Variants in HPSE2 observed in about 807,000 individuals in gnomAD.
The protein encoded by HPSE2 is heparanase 2 (inactive).
A neutral mutation model predicts 60.5 loss-of-function variants in HPSE2; 38 were observed. That is an observed-to-expected ratio of 0.63 (90% confidence interval 0.48 to 0.82). HPSE2 has a LOEUF of 0.82. Ranked by LOEUF, HPSE2 falls within the 40% of genes least tolerant of loss-of-function variation. The probability of loss-of-function intolerance (pLI) is 0.00; values close to 1 mark genes in which losing one functional copy is unlikely to be tolerated. For synonymous variants in HPSE2, 295 were observed against 293.2 expected (o/e 1.01, Z -0.06); for missense variants, 713 against 740.4 (o/e 0.96, Z 0.43).
chr10:99,280,869 C>T, the HPSE2 span, among the ~76,000 whole-genome samples: 1 of 152,136 alleles, frequency 6.6e-6, no homozygotes, highest in Non-Finnish European at 1.5e-5. Context: ...TTCACTCACT[C>T]AACAAATATT....
chr10:98,495,819 G>T (rs573079311), intron 9 of HPSE2, among the ~76,000 whole-genome samples: 31 of 152,092 alleles, frequency 2.0e-4, no homozygotes, highest in African/African-American at 7.5e-4. Context: ...GTCTTCAAGA[G>T]AATTGGTTTA....
intron 3 of HPSE2, among the ~76,000 whole-genome samples, chr10:99,135,893 G>A (rs1845629009): frequency 6.6e-6 from 1 of 151,910 alleles, no homozygotes; most frequent in South Asian, 2.1e-4. Flanking sequence ...CAAGACCAGA[G>A]CAGAACTGAG....
At chr10:98,537,503 A>G (rs1943319909) in intron 9 of HPSE2, among the ~76,000 whole-genome samples, 1 of 152,254 alleles carries the variant, frequency 6.6e-6, no homozygotes, top group Non-Finnish European at 1.5e-5. Flanking sequence ...ATTATTAATC[A>G]TTAGCTTTTA....
rs116450653 is a variant in HPSE2, at chr10:98,879,143, C to T, written c.611-135087G>A. Among the ~76,000 whole-genome samples, 118 of 152,090 alleles carry T rather than the reference C, an allele frequency of 7.8e-4. 1 individual carries two copies. Among genetic ancestry groups the T allele is most frequent in the Non-Finnish European group, 6.3e-4 (43 of 67,954 alleles). On this transcript the variant is annotated intron_variant, in intron 3 of 11. Coordinates refer to ENST00000370552, the MANE Select transcript of HPSE2 (RefSeq NM_021828.5). The stretch of plus-strand genomic sequence containing the variant: ...GAGCTGTCAATGTGGTGAATACACA[C>T]GTCTAGAGCTCAGGAGGAGAGTGCC...
intron 3 of HPSE2, among the ~76,000 whole-genome samples, chr10:98,937,850 G>T (rs61883692): frequency 7.0e-6 from 1 of 143,070 alleles, no homozygotes; most frequent in Non-Finnish European, 1.5e-5. Flanking sequence ...AGTAGGGGCA[G>T]ACTGACACCT....
intron 7 of HPSE2, among the ~76,000 whole-genome samples, chr10:98,625,869 G>A (rs958115255): frequency 6.6e-6 from 1 of 152,136 alleles, no homozygotes; most frequent in African/African-American, 2.4e-5. Flanking sequence ...TTGGGAGGCC[G>A]AGGTGGGCGG....
intron 3 of HPSE2, among the ~76,000 whole-genome samples, chr10:99,005,291 T>C (rs887948184): frequency 2.0e-5 from 3 of 152,088 alleles, no homozygotes; most frequent in African/African-American, 7.2e-5. Context: ...AACTCAGACA[T>C]TTGCTCTTTT....
At chr10:98,489,757 G>A (rs1178706018) in intron 10 of HPSE2, among the ~76,000 whole-genome samples, 4 of 152,214 alleles carry the variant, frequency 2.6e-5, no homozygotes, top group Admixed American at 2.6e-4. Flanking sequence ...ACATCAACTG[G>A]CACAGAGAAA....
At chr10:98,849,946 G>A (rs891279918) in intron 3 of HPSE2, among the ~76,000 whole-genome samples, 3 of 152,218 alleles carry the variant, frequency 2.0e-5, no homozygotes, top group Admixed American at 6.5e-5. Flanking sequence ...GTTTCTCCAC[G>A]TTTGTCAGGC....
intron 11 of HPSE2, among the ~76,000 whole-genome samples, chr10:98,470,383 T>G (rs1940728640): frequency 6.6e-6 from 1 of 152,170 alleles, no homozygotes; most frequent in Non-Finnish European, 1.5e-5. Context: ...AAGGCTAGTC[T>G]GCACGGGTAT....
intron 9 of HPSE2, among the ~76,000 whole-genome samples, chr10:98,605,857 G>A (rs942410637): frequency 2.6e-5 from 4 of 152,116 alleles, no homozygotes; most frequent in Non-Finnish European, 5.9e-5. Flanking sequence ...GTGACTGAGC[G>A]TCTTTCCCCC....
At chr10:99,008,792 G>C (rs1177371905) in intron 3 of HPSE2, among the ~76,000 whole-genome samples, 1 of 152,168 alleles carries the variant, frequency 6.6e-6, no homozygotes, top group Non-Finnish European at 1.5e-5. Flanking sequence ...GTGCTTAAGG[G>C]ACTGAAATGT....
At chr10:99,006,609 T>A (rs562561821) in intron 3 of HPSE2, among the ~76,000 whole-genome samples, 8 of 152,070 alleles carry the variant, frequency 5.3e-5, no homozygotes, top group Non-Finnish European at 7.4e-5. Context: ...AGAACCTATA[T>A]CTGTGATGTC....
rs1589672243 is a variant in HPSE2 at position 99,110,702 on chromosome 10, A to T, written c.610+33536T>A. 2.0e-5 allele frequency among the ~76,000 whole-genome samples: 3 copies of T among 152,234 alleles called. No homozygotes were observed. The East Asian group carries it at 5.8e-4, about 29-fold the overall frequency. On this transcript the variant is annotated intron_variant, in intron 3 of 11. Coordinates refer to ENST00000370552, the MANE Select transcript of HPSE2 (RefSeq NM_021828.5). ...TTACTAATATATTAGAAAGCACAAAAATTCTATTGAAATTACCCAAAAAAA... is the reference window on the plus strand; with the variant it reads ...TTACTAATATATTAGAAAGCACAAATATTCTATTGAAATTACCCAAAAAAA...
chr10:99,166,144 T>A (rs1190058931), intron 2 of HPSE2, among the ~76,000 whole-genome samples: 11 of 36,998 alleles, frequency 3.0e-4, no homozygotes, highest in African/African-American at 5.1e-4. Context: ...AATAGTTAAT[T>A]CTTTTATTGC....
At chr10:98,647,058 G>A (rs1946789215) in intron 6 of HPSE2, among the ~76,000 whole-genome samples, 1 of 151,966 alleles carries the variant, frequency 6.6e-6, no homozygotes, top group African/African-American at 2.4e-5. Flanking sequence ...CATCTCACAG[G>A]GATACTGTTA....
chr10:98,728,106 C>G (rs561863600), intron 4 of HPSE2, among the ~76,000 whole-genome samples: 2 of 151,984 alleles, frequency 1.3e-5, no homozygotes, highest in African/African-American at 4.8e-5. Flanking sequence ...CAAAATCACA[C>G]AAAGAAATAA....
At chr10:99,026,416 T>C (rs1231658402) in intron 3 of HPSE2, among the ~76,000 whole-genome samples, 1 of 151,892 alleles carries the variant, frequency 6.6e-6, no homozygotes, top group Non-Finnish European at 1.5e-5. Context: ...CAAGAGAACA[T>C]AAAAATTTTA....
In HPSE2 at chr10:98,490,154, TG is replaced by T. The variant is rs1941590795; in HGVS notation, c.1362del (p.Val456SerfsTer18). 6.2e-7 allele frequency: 1 copy of T among 1,614,096 alleles called. No homozygotes were observed. Among genetic ancestry groups the T allele is most frequent in the African/African-American group, 1.3e-5 (1 of 74,932 alleles). ...LSLLYKRLIG[P>X]KVLAVHVAGL... is the part of the protein sequence containing the mutation. ...CCAGCCACATGCACAGCCAAGACTT[TG>T]GGGCCGATCAGGCGCTTGTAGAGGA... On this transcript the variant is annotated frameshift_variant, in exon 10 of 12. Coordinates refer to ENST00000370552, the MANE Select transcript of HPSE2 (RefSeq NM_021828.5). LOFTEE classifies it high-confidence loss of function.
Sources: allele counts gnomAD v4.1 joint callset (sites outside exome capture counted in the v4.1 genomes callset), GRCh38; gene constraint gnomAD v4.1.1; transcripts MANE v1.5; gene names NCBI Gene and HGNC (gene_info 2026-07-23, HGNC 2026-07-21).